Variants in LEPR observed in about 807,000 individuals in gnomAD.
The protein encoded by LEPR is leptin receptor.
In LEPR, 56 loss-of-function variants were observed where a neutral mutation model predicts 114.7. That is an observed-to-expected ratio of 0.49 (90% confidence interval 0.39 to 0.61). The LOEUF (loss-of-function observed/expected upper bound fraction) is 0.61, where lower values mean the gene tolerates loss of function less well. LEPR is among the 20% of genes least tolerant of loss of function. The pLI is 0.00. For missense variants in LEPR, 1,202 were observed against 1,352.9 expected (o/e 0.89, Z 1.75); for synonymous variants, 443 against 461.4 (o/e 0.96, Z 0.51).
intron 19 of LEPR, among the ~76,000 whole-genome samples, chr1:65,627,429 C>T (rs1461569750): frequency 3.3e-5 from 5 of 151,972 alleles, no homozygotes; most frequent in South Asian, 4.1e-4. Flanking sequence ...CACAAGATGC[C>T]CAGTAGGATG....
At chr1:65,456,255 C>T (rs761827920) in intron 2 of LEPR, among the ~76,000 whole-genome samples, 13 of 152,070 alleles carry the variant, frequency 8.5e-5, no homozygotes, top group East Asian at 1.9e-4. Flanking sequence ...GCGTGGCTCA[C>T]GCTGGGAGCT....
chr1:65,455,568 G>C (rs1220509630), intron 2 of LEPR, among the ~76,000 whole-genome samples: 1 of 152,172 alleles, frequency 6.6e-6, no homozygotes, highest in Non-Finnish European at 1.5e-5. Flanking sequence ...GCCCCTGCTG[G>C]GGGGTGCCTC....
intron 2 of LEPR, among the ~76,000 whole-genome samples, chr1:65,559,851 A>G (rs1653169971): frequency 7.6e-6 from 1 of 131,396 alleles, no homozygotes; most frequent in Non-Finnish European, 1.7e-5. Flanking sequence ...GTCAAAGATC[A>G]GATAGTTGTA....
intron 2 of LEPR, among the ~76,000 whole-genome samples, chr1:65,500,079 T>G (rs554493573): frequency 9.9e-5 from 15 of 152,208 alleles, no homozygotes; most frequent in African/African-American, 3.1e-4. Context: ...CTTAAAAATA[T>G]GGCACTTCCT....
chr1:65,555,856 G>C (rs748197817), intron 2 of LEPR, among the ~76,000 whole-genome samples: 7 of 152,268 alleles, frequency 4.6e-5, no homozygotes, highest in Non-Finnish European at 1.0e-4. Context: ...GATTGGGATA[G>C]AGGGTAGTCT....
intron 2 of LEPR, chr1:65,433,747 T>C (rs1646520457): frequency 1.1e-6 from 1 of 916,122 alleles, no homozygotes. Context: ...TTAACCGGCA[T>C]TTTTAATAAT....
rs1654089862 is a variant in LEPR at position 65,570,655 on chromosome 1, A to C, written c.223A>C (p.Ser75Arg). ...AGCTGTTGAACCTAAGTTTAATTCA[A>C]GTGGTACTCACTTTTCTAACTTATC... ...ETAVEPKFNS[S>R]GTHFSNLSKT... is the part of the protein sequence containing the mutation. The change falls in exon 4 of 20, where the codon AGT becomes CGT. Residue 75 changes from serine (S) to arginine (R), a missense_variant. Ser to Arg is a moderately radical substitution (Grantham distance 110, BLOSUM62 -1). Coordinates refer to ENST00000349533, the MANE Select transcript of LEPR (RefSeq NM_002303.6). 1.2e-6 allele frequency: 2 copies of C among 1,613,872 alleles called. No homozygotes were observed. Among genetic ancestry groups the C allele is most frequent in the African/African-American group, 2.7e-5 (2 of 74,924 alleles).
At chr1:65,470,501 G>A (rs1276632184) in intron 2 of LEPR, among the ~76,000 whole-genome samples, 1 of 152,162 alleles carries the variant, frequency 6.6e-6, no homozygotes, top group Admixed American at 6.5e-5. Context: ...TTAATTAGTA[G>A]AAACTATTGG....
chr1:65,518,905 C>CTTTCTT (rs1649454668), intron 2 of LEPR, among the ~76,000 whole-genome samples: 2 of 90,502 alleles, frequency 2.2e-5, no homozygotes, highest in African/African-American at 7.8e-5. Context: ...TTCTTTCTTT[C>CTTTCTT]TTTCTTTCTT....
intron 2 of LEPR, among the ~76,000 whole-genome samples, chr1:65,470,822 T>C (rs1287999991): frequency 6.6e-6 from 1 of 152,254 alleles, no homozygotes; most frequent in East Asian, 1.9e-4. Flanking sequence ...TTCAAAAATG[T>C]GCAAAATATT....
At position 65,447,007 on chromosome 1, in the gene LEPR, T is replaced by C. The variant is rs149282853; in HGVS notation, c.-21+21629T>C. ...CCACCATGCCTGGCTAATTTTTGTA[T>C]TGTGTGTAGAGACAGGATTTCGCCA... On this transcript the variant is annotated intron_variant, in intron 2 of 19. Coordinates refer to ENST00000349533, the MANE Select transcript of LEPR (RefSeq NM_002303.6). Among the ~76,000 whole-genome samples the C allele has an allele frequency of 2.7e-4, 41 of 152,194 alleles. No individual in the cohort carries two copies. In the East Asian group the frequency reaches 7.4e-3, roughly 27 times the overall value.
At chr1:65,574,716 A>C (rs1654456242) in intron 5 of LEPR, among the ~76,000 whole-genome samples, 1 of 152,240 alleles carries the variant, frequency 6.6e-6, no homozygotes, top group Non-Finnish European at 1.5e-5. Context: ...TGCTTTCTAA[A>C]ATATTTTCCA....
At chr1:65,529,909 C>T (rs901073813) in intron 2 of LEPR, among the ~76,000 whole-genome samples, 23 of 152,124 alleles carry the variant, frequency 1.5e-4, no homozygotes, top group African/African-American at 5.1e-4. Flanking sequence ...AGGTTTTAAC[C>T]TTGGAATACC....
At chr1:65,449,402 G>A (rs1406492498) in intron 2 of LEPR, among the ~76,000 whole-genome samples, 1 of 151,902 alleles carries the variant, frequency 6.6e-6, no homozygotes, top group Non-Finnish European at 1.5e-5. Flanking sequence ...TGGGTCTCCT[G>A]TTCCCTGTGC....
chr1:65,460,466 T>C (rs1445120791), intron 2 of LEPR, among the ~76,000 whole-genome samples: 1 of 152,216 alleles, frequency 6.6e-6, no homozygotes, highest in Non-Finnish European at 1.5e-5. Flanking sequence ...GATCTGGCTC[T>C]CTACTGTGTG....
At chr1:65,437,476 G>T (rs1287955612) in intron 2 of LEPR, among the ~76,000 whole-genome samples, 11 of 151,892 alleles carry the variant, frequency 7.2e-5, no homozygotes, top group Admixed American at 3.3e-4. Flanking sequence ...CTACAGTGTG[G>T]ATGAATCTTG....
At chr1:65,443,219 A>G (rs2100289723) in intron 2 of LEPR, among the ~76,000 whole-genome samples, 1 of 152,262 alleles carries the variant, frequency 6.6e-6, no homozygotes, top group Non-Finnish European at 1.5e-5. Context: ...AAAGATCAGT[A>G]TCAAAAAAAT....
At chr1:65,425,217 A>G (rs898550834) in intron 1 of LEPR, 86 bp from the exon 2 acceptor site, 22 of 1,109,054 alleles carry the variant, frequency 2.0e-5, no homozygotes, top group Admixed American at 6.1e-5. Context: ...TGGACCTATT[A>G]GAAGTCACTC....
In LEPR at chr1:65,633,114, A is replaced by G; in HGVS notation, c.2674-3077A>G. ...TCTTTTTCTTTGTGAGTGATTTTTTATTTTGCTTTCTTATTTTGTTTTATT... is the reference window on the plus strand; with the variant it reads ...TCTTTTTCTTTGTGAGTGATTTTTTGTTTTGCTTTCTTATTTTGTTTTATT... On this transcript the variant is annotated intron_variant, in intron 19 of 19. Coordinates refer to ENST00000349533, the MANE Select transcript of LEPR (RefSeq NM_002303.6). This position sits in a 1 kb window ranked among gnomAD's most constrained non-coding sequence, Gnocchi z 4.1. 7.4e-7 allele frequency: 1 copy of G among 1,351,816 alleles called. No homozygotes were observed. Among genetic ancestry groups the G allele is most frequent in the Non-Finnish European group, 1.1e-6 (1 of 949,354 alleles). 83.7% of individuals were successfully genotyped at this position (1,351,816 alleles called of 1,614,324 possible).
Sources: allele counts gnomAD v4.1 joint callset (sites outside exome capture counted in the v4.1 genomes callset), GRCh38; gene constraint gnomAD v4.1.1; non-coding constraint Gnocchi (gnomAD v3.1); transcripts MANE v1.5; gene names NCBI Gene and HGNC (gene_info 2026-07-23, HGNC 2026-07-21).